Variants in PDLIM5 observed in about 807,000 individuals in gnomAD.
PDLIM5 encodes PDZ and LIM domain 5.
Under a neutral mutation model 64.2 loss-of-function variants are expected in PDLIM5, and 34 were observed. That is an observed-to-expected ratio of 0.53 (90% CI 0.40 to 0.71). PDLIM5 has a LOEUF of 0.71. PDLIM5 is among the 30% of genes least tolerant of loss of function. The pLI, the probability that PDLIM5 is intolerant of heterozygous loss-of-function variation, is 0.00. For missense variants in PDLIM5, 683 were observed against 733.6 expected (o/e 0.93, Z 0.80); for synonymous variants, 253 against 269.1 (o/e 0.94, Z 0.59).
chr4:94,652,527 A>G (rs1312762247), intron 9 of PDLIM5, among the ~76,000 whole-genome samples: 1 of 152,208 alleles, frequency 6.6e-6, no homozygotes, highest in Non-Finnish European at 1.5e-5. Context: ...TACTTGCCAA[A>G]CATACACTGA....
At chr4:94,466,501 C>G (rs992950715) in intron 2 of PDLIM5, among the ~76,000 whole-genome samples, 2 of 152,126 alleles carry the variant, frequency 1.3e-5, no homozygotes, top group African/African-American at 4.8e-5. Flanking sequence ...AGATGTTTCA[C>G]CTGCACCAGT....
In PDLIM5 at chr4:94,654,466, A is replaced by G; in HGVS notation, c.1290A>G (p.Pro430=). 6.2e-7 allele frequency: 1 copy of G among 1,607,630 alleles called. No homozygotes were observed. Among genetic ancestry groups the G allele is most frequent in the Non-Finnish European group, 8.5e-7 (1 of 1,174,340 alleles). The part of the protein sequence containing the change: ...CAHCNQVIRG[P]FLVALGKSWH... ...CCTCTTTTTCTTCTGTCAGAGGACC[A>G]TTCTTAGTGGCACTGGGGAAATCTT... Residue 430 remains proline, a synonymous_variant, in exon 10 of 13, where the codon CCA becomes CCG. Transcript: ENST00000317968.
At chr4:94,569,749 A>C (rs550198008) in intron 3 of PDLIM5, among the ~76,000 whole-genome samples, 126 of 152,332 alleles carry the variant, frequency 8.3e-4, no homozygotes, top group African/African-American at 2.9e-3. Context: ...CACATAGAAT[A>C]AATTTAAGGT....
chr4:94,661,867 C>T (rs1742748789), intron 11 of PDLIM5, among the ~76,000 whole-genome samples: 1 of 151,076 alleles, frequency 6.6e-6, no homozygotes. Flanking sequence ...TGTCACTAGG[C>T]TGGAGTGCAG....
intron 8 of PDLIM5, among the ~76,000 whole-genome samples, chr4:94,636,243 G>A (rs774178311): frequency 5.5e-4 from 84 of 152,104 alleles, no homozygotes; most frequent in Non-Finnish European, 3.2e-4. Flanking sequence ...CAGTACTTTA[G>A]AGCTTATGCA....
At chr4:94,658,903 T>G (rs923920457) in intron 11 of PDLIM5, among the ~76,000 whole-genome samples, 2 of 152,228 alleles carry the variant, frequency 1.3e-5, no homozygotes, top group African/African-American at 4.8e-5. Flanking sequence ...TGTTTGTTTG[T>G]TTGTTTGTTT....
At chr4:94,511,845 AT>A (rs1414058623) in intron 2 of PDLIM5, among the ~76,000 whole-genome samples, 1 of 152,114 alleles carries the variant, frequency 6.6e-6, no homozygotes, top group Non-Finnish European at 1.5e-5. Flanking sequence ...CAGTGTGTAT[AT>A]GTATCACATT....
intron 6 of PDLIM5, 121 bp from the exon 7 acceptor site, chr4:94,586,287 A>G: frequency 1.6e-6 from 1 of 616,136 alleles, no homozygotes; most frequent in Non-Finnish European, 2.9e-6. Context: ...CTACTATGGA[A>G]TTCGTTTTAG....
intron 3 of PDLIM5, among the ~76,000 whole-genome samples, chr4:94,563,994 T>G (rs925552816): frequency 6.7e-6 from 1 of 148,872 alleles, no homozygotes; most frequent in Non-Finnish European, 1.5e-5. Flanking sequence ...GACAGAGTCT[T>G]ACTCTGTCTC....
chr4:94,472,068 A>G (rs1724923616), intron 2 of PDLIM5, among the ~76,000 whole-genome samples: 1 of 152,158 alleles, frequency 6.6e-6, no homozygotes, highest in African/African-American at 2.4e-5. Context: ...CACTTCTTAG[A>G]TAATATCATC....
chr4:94,639,890 G>A (rs1263682834), intron 8 of PDLIM5, among the ~76,000 whole-genome samples: 2 of 152,062 alleles, frequency 1.3e-5, no homozygotes, highest in African/African-American at 2.4e-5. Context: ...AGCCAGGCAT[G>A]GTGGTGCATG....
rs577268828 is a variant in PDLIM5, at chr4:94,630,684, T to C, written c.1109-9592T>C. Among the ~76,000 whole-genome samples the C allele has an allele frequency of 6.6e-5, 10 of 152,256 alleles. No individual in the cohort carries two copies. The South Asian group carries it at 8.3e-4, about 13-fold the overall frequency. ...GCTACTGCGCCCGGCCTAGTATCCA[T>C]TGATATTTTCAATATCAGCCTTTCT... On this transcript the variant is annotated intron_variant, in intron 8 of 12. Transcript: ENST00000317968.
At chr4:94,507,585 T>C (rs1460047747) in intron 2 of PDLIM5, among the ~76,000 whole-genome samples, 1 of 152,148 alleles carries the variant, frequency 6.6e-6, no homozygotes, top group Non-Finnish European at 1.5e-5. Flanking sequence ...AACTCTGACT[T>C]TTAAGATTAC....
intron 7 of PDLIM5, among the ~76,000 whole-genome samples, chr4:94,589,981 T>C (rs1365606247): frequency 5.9e-5 from 9 of 152,134 alleles, no homozygotes. Flanking sequence ...TTCACCATGT[T>C]GGCCAGGCTG....
At chr4:94,470,874 A>G (rs1342057767) in intron 2 of PDLIM5, among the ~76,000 whole-genome samples, 1 of 152,246 alleles carries the variant, frequency 6.6e-6, no homozygotes, top group East Asian at 1.9e-4. Context: ...TATAAAGGAA[A>G]GAGGTTTTTT....
intron 2 of PDLIM5, among the ~76,000 whole-genome samples, chr4:94,465,543 G>A (rs1300355785): frequency 6.6e-6 from 1 of 152,084 alleles, no homozygotes; most frequent in Non-Finnish European, 1.5e-5. Context: ...TGGGACTACA[G>A]GCCTGTGCCA....
chr4:94,581,159 GA>G (rs1735701063), intron 5 of PDLIM5, among the ~76,000 whole-genome samples: 2 of 152,128 alleles, frequency 1.3e-5, no homozygotes, highest in Admixed American at 1.3e-4. Context: ...GCCAGTATGA[GA>G]AACCAGATCA....
chr4:94,485,834 A>AGT (rs1432729570), intron 2 of PDLIM5, among the ~76,000 whole-genome samples: 4 of 140,328 alleles, frequency 2.9e-5, no homozygotes, highest in African/African-American at 5.4e-5. Flanking sequence ...TAGGTGACAG[A>AGT]GTGAGACTCC....
At chr4:94,607,719 G>A (rs1286408791) in intron 7 of PDLIM5, among the ~76,000 whole-genome samples, 1 of 152,054 alleles carries the variant, frequency 6.6e-6, no homozygotes, top group African/African-American at 2.4e-5. Flanking sequence ...TATGGTATTG[G>A]GCAACTTAAT....
Sources: gnomAD v4.1 joint callset for allele counts (sites outside exome capture counted in the v4.1 genomes callset) on GRCh38, gnomAD v4.1.1 for gene constraint, MANE v1.5 for transcripts, NCBI Gene and HGNC (gene_info 2026-07-23, HGNC 2026-07-21) for gene names.